The following PTBP2 variants were observed in gnomAD, a reference collection of about 807,000 sequenced individuals.
PTBP2 encodes polypyrimidine tract binding protein 2.
PTBP2 carries 13 observed loss-of-function variants against 61.4 expected under a neutral mutation model. That is an observed-to-expected ratio of 0.21 (90% CI 0.14 to 0.34). The LOEUF (loss-of-function observed/expected upper bound fraction) is 0.34. PTBP2 is among the 10% of genes least tolerant of loss of function. The pLI is 1.00. For missense variants in PTBP2, 405 were observed against 642.6 expected, an observed-to-expected ratio of 0.63 and a Z score of 4.00; for synonymous variants, 215 against 218.5, an observed-to-expected ratio of 0.98 and a Z score of 0.14.
At chr1:96,779,203 T>G (rs1288973820) in intron 7 of PTBP2, among the ~76,000 whole-genome samples, 4 of 152,082 alleles carry the variant, frequency 2.6e-5, no homozygotes, top group Non-Finnish European at 5.9e-5. Context: ...CAAAAAATGA[T>G]TATCCTCCTT....
intron 8 of PTBP2, among the ~76,000 whole-genome samples, chr1:96,793,430 C>T (rs753801816): frequency 1.3e-5 from 2 of 151,908 alleles, no homozygotes; most frequent in Non-Finnish European, 2.9e-5. Flanking sequence ...AGTGCAGTGG[C>T]GGGATCTCTG....
chr1:96,774,954 T>C (rs1403861123), intron 5 of PTBP2, among the ~76,000 whole-genome samples: 1 of 152,206 alleles, frequency 6.6e-6, no homozygotes, highest in East Asian at 1.9e-4. Context: ...TTGCTGCCAT[T>C]ATGTCACTGC....
intron 2 of PTBP2, among the ~76,000 whole-genome samples, chr1:96,745,893 C>A (rs958407827): frequency 1.3e-5 from 2 of 151,892 alleles, no homozygotes; most frequent in East Asian, 3.9e-4. Context: ...AGTGAAACCC[C>A]CATCTCTACT....
At position 96,813,462 on chromosome 1, in the gene PTBP2, G is replaced by C; in HGVS notation, c.*57G>C. 1 of 1,424,222 alleles carries C rather than the reference G, an allele frequency of 7.0e-7. No homozygotes were observed. The highest frequency in any genetic ancestry group is 1.6e-5 in the South Asian group (1 of 62,612). The allele number at this position is 1,424,222 out of a possible 1,614,324, so 88.2% of individuals were successfully genotyped here. ...CATTGTTCAATGTCATCACCTATTT[G>C]ACTGTTCAGAAAAGTGGGGACCAGA... On this transcript the variant is annotated 3_prime_UTR_variant, in exon 14 of 14. Coordinates refer to ENST00000674951, the MANE Select transcript of PTBP2 (RefSeq NM_021190.4).
At chr1:96,738,222 T>C (rs1449420914) in intron 2 of PTBP2, among the ~76,000 whole-genome samples, 1 of 140,194 alleles carries the variant, frequency 7.1e-6, no homozygotes, top group Non-Finnish European at 1.6e-5. Context: ...TCAACTATTA[T>C]AAAAAGGAGT....
intron 2 of PTBP2, among the ~76,000 whole-genome samples, chr1:96,743,651 T>C (rs1653354285): frequency 6.6e-6 from 1 of 152,276 alleles, no homozygotes; most frequent in East Asian, 1.9e-4. Context: ...AGGAGAGAAT[T>C]TGACTTCTTA....
intron 3 of PTBP2, among the ~76,000 whole-genome samples, chr1:96,762,453 C>T (rs1194479733): frequency 6.1e-5 from 9 of 147,016 alleles, no homozygotes; most frequent in African/African-American, 2.3e-4. Flanking sequence ...GGCTGACCCC[C>T]CCACCTCCCT....
At chr1:96,801,615 G>A (rs1661004141) in intron 8 of PTBP2, among the ~76,000 whole-genome samples, 1 of 152,070 alleles carries the variant, frequency 6.6e-6, no homozygotes, top group Non-Finnish European at 1.5e-5. Flanking sequence ...AGCACTTTGG[G>A]AGGCTGAGGC....
At chr1:96,819,282 T>A (rs1436786940), downstream of PTBP2, 1 of 152,032 alleles carries the variant, frequency 6.6e-6, no homozygotes, top group East Asian at 1.9e-4. Flanking sequence ...TGATATTCTC[T>A]GTGAGAGTTA....
rs575373578 is a variant in PTBP2 at position 96,765,700 on chromosome 1, ACT to A, written c.116-4000_116-3999del. Among the ~76,000 whole-genome samples, 40 of 134,516 alleles carry A rather than the reference ACT, an allele frequency of 3.0e-4. No homozygotes were observed. In the East Asian group the frequency reaches 6.6e-3, roughly 22 times the overall value. The allele number at this position is 134,516 out of a possible 152,430, so 88.2% of individuals were successfully genotyped here. ...CACTCCAGCCTGGCAATACAGCAAGACTCTGTCTTAGATAGATAGATAGATAG... is the reference window on the plus strand; with the variant it reads ...CACTCCAGCCTGGCAATACAGCAAGACTGTCTTAGATAGATAGATAGATAG... On this transcript the variant is annotated intron_variant, in intron 3 of 13. Coordinates refer to ENST00000674951, the MANE Select transcript of PTBP2 (RefSeq NM_021190.4).
chr1:96,764,913 A>G (rs1478136208), intron 3 of PTBP2, among the ~76,000 whole-genome samples: 7 of 152,132 alleles, frequency 4.6e-5, no homozygotes, highest in Admixed American at 1.3e-4. Context: ...ACACCACACA[A>G]CTACTTGGAA....
chr1:96,722,837 C>G (rs1458129009), intron 1 of PTBP2, among the ~76,000 whole-genome samples: 1 of 152,132 alleles, frequency 6.6e-6, no homozygotes, highest in Non-Finnish European at 1.5e-5. Context: ...ACCGATGTCT[C>G]GCTCATATGC....
intron 5 of PTBP2, among the ~76,000 whole-genome samples, chr1:96,777,119 A>G (rs1359888980): frequency 6.6e-6 from 1 of 152,092 alleles, no homozygotes; most frequent in Non-Finnish European, 1.5e-5. Flanking sequence ...TATTTTCTGA[A>G]TGTTCCTATT....
At chr1:96,816,214 T>G (rs1333901563), downstream of PTBP2, 2 of 152,176 alleles carry the variant, frequency 1.3e-5, no homozygotes, top group Non-Finnish European at 2.9e-5. Context: ...ACGGCCTTCC[T>G]TCCAAAGCAC....
At chr1:96,759,211 A>G (rs1182975857) in intron 3 of PTBP2, among the ~76,000 whole-genome samples, 2 of 152,192 alleles carry the variant, frequency 1.3e-5, no homozygotes, top group African/African-American at 2.4e-5. Context: ...TTCTCCCTAA[A>G]TTGGGATGGC....
At chr1:96,759,254 A>G (rs993127367) in intron 3 of PTBP2, among the ~76,000 whole-genome samples, 1 of 152,214 alleles carries the variant, frequency 6.6e-6, no homozygotes, top group African/African-American at 2.4e-5. Context: ...AATTGAGAGT[A>G]CATTCTAAAA....
chr1:96,770,136 G>A (rs1046524280), intron 4 of PTBP2, among the ~76,000 whole-genome samples: 10 of 152,000 alleles, frequency 6.6e-5, no homozygotes, highest in African/African-American at 2.2e-4. Flanking sequence ...AAATACAAAT[G>A]AAGTATTTCT....
intron 7 of PTBP2, among the ~76,000 whole-genome samples, chr1:96,778,527 G>A (rs141022054): frequency 8.0e-4 from 122 of 151,950 alleles, no homozygotes; most frequent in African/African-American, 4.3e-4. Context: ...TGAAAACTGC[G>A]CACCACATCT....
At chr1:96,722,797 GGTGAGAGGCAAGACT>G (rs1649796295) in intron 1 of PTBP2, among the ~76,000 whole-genome samples, 1 of 152,170 alleles carries the variant, frequency 6.6e-6, no homozygotes, top group African/African-American at 2.4e-5. Flanking sequence ...TGCTGAGTGA[GGTGAGAGGCAAGACT>G]GTGAAATGGT....
Sources: allele counts gnomAD v4.1 joint callset (sites outside exome capture counted in the v4.1 genomes callset), GRCh38; gene constraint gnomAD v4.1.1; transcripts MANE v1.5; gene names NCBI Gene and HGNC (gene_info 2026-07-23, HGNC 2026-07-21).